PPP4R2: variants seen among roughly 807,000 people sequenced by gnomAD.
PPP4R2 encodes the protein protein phosphatase 4 regulatory subunit 2.
In PPP4R2, 13 loss-of-function variants were observed where a neutral mutation model predicts 47.2. That is an observed-to-expected ratio of 0.28 (90% CI 0.18 to 0.44). PPP4R2 has a LOEUF of 0.44. PPP4R2 is among the 20% of genes least tolerant of loss of function. PPP4R2 has a pLI of 1.00. For synonymous variants in PPP4R2, 151 were observed against 163.3 expected, an observed-to-expected ratio of 0.92 and a Z score of 0.57; for missense variants, 421 against 491.2, an observed-to-expected ratio of 0.86 and a Z score of 1.35.
At chr3:73,040,772 G>T (rs2637746) in intron 2 of PPP4R2, among the ~76,000 whole-genome samples, 1 of 152,012 alleles carries the variant, frequency 6.6e-6, no homozygotes, top group Non-Finnish European at 1.5e-5. Context: ...CTCAGCCCCC[G>T]AAAGTGCTTG....
At position 73,034,977 on chromosome 3, in the gene PPP4R2, A is replaced by AG. The variant is rs559984800; in HGVS notation, c.117-12206dup. Reference sequence around the variant, plus strand: ...CATCAAGCTAAAAAGCTTCCGCACAAGGGAAGAGTCAGTAGAGTGAAGAAA... The same window carrying AG: ...CATCAAGCTAAAAAGCTTCCGCACAAGGGGAAGAGTCAGTAGAGTGAAGAAA... On this transcript the variant is annotated intron_variant, in intron 2 of 8. Transcript: ENST00000356692. 6.6e-5 allele frequency among the ~76,000 whole-genome samples: 10 copies of AG among 152,340 alleles called. No individual in the cohort carries two copies. The South Asian group carries it at 2.1e-3, about 32-fold the overall frequency.
chr3:72,998,830 C>G (rs898988585), intron 2 of PPP4R2, among the ~76,000 whole-genome samples: 1 of 151,946 alleles, frequency 6.6e-6, no homozygotes, highest in African/African-American at 2.4e-5. Flanking sequence ...GTGGTAGACA[C>G]AATCTGGCTA....
rs1446137296 is a variant in PPP4R2 at position 73,068,159 on chromosome 3, A to G, written c.*2437A>G. ...TTGCTTAATGAAAATGTCAGTTCTAATAGTAACTGATTCACTTCTGAACAG... is the reference window on the plus strand; with the variant it reads ...TTGCTTAATGAAAATGTCAGTTCTAGTAGTAACTGATTCACTTCTGAACAG... On this transcript the variant is annotated 3_prime_UTR_variant, in exon 9 of 9. Transcript: ENST00000356692. 1.3e-5 allele frequency: 2 copies of G among 152,138 alleles called. No individual in the cohort carries two copies. Among genetic ancestry groups the G allele is most frequent in the African/African-American group, 2.4e-5 (1 of 41,432 alleles). 9.4% of individuals were successfully genotyped at this position (152,138 alleles called of 1,614,324 possible). A position where few individuals can be genotyped will look rare whatever the true frequency, so the allele number is the denominator to read the frequency against.
rs186425162 is a variant in PPP4R2, at chr3:73,033,406, T to C, written c.117-13780T>C. ...ACAGTTTTACTGCAGTGTGCTTTGC[T>C]GTGAGACTATTTGTCAACTCTTGTG... On this transcript the variant is annotated intron_variant, in intron 2 of 8. Transcript: ENST00000356692. Among the ~76,000 whole-genome samples the C allele has an allele frequency of 1.2e-4, 18 of 152,344 alleles. No individual in the cohort carries two copies. In the East Asian group the frequency reaches 3.3e-3, roughly 28 times the overall value.
At chr3:73,040,375 C>T (rs1702353041) in intron 2 of PPP4R2, among the ~76,000 whole-genome samples, 1 of 151,994 alleles carries the variant, frequency 6.6e-6, no homozygotes. Flanking sequence ...ACTTCGGACT[C>T]AATAATTTCA....
chr3:73,013,489 GA>G (rs968628254), intron 2 of PPP4R2, among the ~76,000 whole-genome samples: 9 of 101,420 alleles, frequency 8.9e-5, no homozygotes, highest in East Asian at 7.7e-4. Flanking sequence ...AAAAATGTAA[GA>G]AAAAAAATCA....
At chr3:73,046,514 G>A (rs141013106) in intron 2 of PPP4R2, among the ~76,000 whole-genome samples, 79 of 152,296 alleles carry the variant, frequency 5.2e-4, no homozygotes, top group Middle Eastern at 3.4e-3. Flanking sequence ...GGTGAAATGT[G>A]AGGAAAGAGG....
chr3:73,032,472 A>G (rs1477654328), intron 2 of PPP4R2, among the ~76,000 whole-genome samples: 1 of 151,970 alleles, frequency 6.6e-6, no homozygotes, highest in East Asian at 1.9e-4. Flanking sequence ...TATTTTTAGT[A>G]GAGGCGGGGT....
At chr3:73,032,289 C>CT (rs199550474) in intron 2 of PPP4R2, among the ~76,000 whole-genome samples, 2,211 of 144,954 alleles carry the variant, frequency 0.015, 26 homozygotes, top group African/African-American at 0.037. Context: ...AAAATTATTT[C>CT]TTTTTTTTTT....
In PPP4R2 at chr3:72,997,057, A is replaced by G; in HGVS notation, c.20A>G (p.Gln7Arg). Residue 7 changes from glutamine (Q) to arginine (R), a missense_variant, in exon 1 of 9, where the codon CAG (glutamine) becomes CGG (arginine). Gln to Arg is a conservative substitution (Grantham distance 43, BLOSUM62 1). Around this residue, in one of 2 missense-constraint regions of PPP4R2, gnomAD observed 104 missense variants for 203.7 expected, o/e 0.51. Transcript: ENST00000356692. ...GAAGCCATGGACGTCGAGAGGCTCC[A>G]GGAGGCGCTGAAAGGTGGGGGTAGC... MDVERL[Q>R]EALKDFEKRG... The G allele has an allele frequency of 2.1e-6, 3 of 1,407,792 alleles. No homozygotes were observed. The highest frequency in any genetic ancestry group is 2.8e-6 in the Non-Finnish European group (3 of 1,064,426). 87.2% of individuals were successfully genotyped at this position (1,407,792 alleles called of 1,614,324 possible). A position where few individuals can be genotyped will look rare whatever the true frequency, so the allele number is the denominator to read the frequency against.
rs145741650 is a variant in PPP4R2 at position 73,023,912 on chromosome 3, C to G, written c.117-23274C>G. On this transcript the variant is annotated intron_variant, in intron 2 of 8. Transcript: ENST00000356692. ...CACTTAAAAGAATAATTTGGATTAC[C>G]TTTGCTTTTTGATATTCAGTTTGAA... Among the ~76,000 whole-genome samples, 71 of 152,132 alleles carry G rather than the reference C, an allele frequency of 4.7e-4. 3 individuals carry two copies. In the East Asian group the frequency reaches 0.012, roughly 26 times the overall value.
chr3:73,042,361 C>CTTTTTTTTTTTTTTTTTTTTTTTTTTTT (rs10709279), intron 2 of PPP4R2, among the ~76,000 whole-genome samples: 2 of 75,928 alleles, frequency 2.6e-5, no homozygotes, highest in Non-Finnish European at 2.6e-5. Context: ...AATATAATTT[C>CTTTTTTTTTTTTTTTTTTTTTTTTTTTT]TTTTTTTTTT....
rs202218122 is a variant in PPP4R2 at position 73,023,189 on chromosome 3, T to G, written c.117-23997T>G. Among the ~76,000 whole-genome samples the G allele has an allele frequency of 2.5e-3, 361 of 145,034 alleles. 1 individual carries two copies. Among genetic ancestry groups the G allele is most frequent in the African/African-American group, 5.4e-3 (209 of 39,040 alleles). ...AGGTTTCTTTTCTTTTCCTTTTTTT[T>G]GTTTTTTTTTTGAGATGGAATTTCG... is the stretch of plus-strand genomic sequence containing the variant. On this transcript the variant is annotated intron_variant, in intron 2 of 8. Transcript: ENST00000356692.
At chr3:73,015,923 C>CT in intron 2 of PPP4R2, 1 of 284,160 alleles carries the variant, frequency 3.5e-6, no homozygotes, top group Non-Finnish European at 7.3e-6. Flanking sequence ...CAGACGTGAA[C>CT]TACTGCACCC....
chr3:73,000,715 C>A (rs2107195435), intron 2 of PPP4R2, among the ~76,000 whole-genome samples: 1 of 152,208 alleles, frequency 6.6e-6, no homozygotes, highest in Admixed American at 6.5e-5. Flanking sequence ...AATAATTAAT[C>A]CCCAGGTGAA....
chr3:73,000,481 T>C (rs1701436703), intron 2 of PPP4R2, among the ~76,000 whole-genome samples: 1 of 152,218 alleles, frequency 6.6e-6, no homozygotes, highest in South Asian at 2.1e-4. Context: ...GACAATTGAT[T>C]TGACACTTGC....
intron 2 of PPP4R2, among the ~76,000 whole-genome samples, chr3:73,021,901 T>TA (rs146335669): frequency 0.5 from 61,457 of 121,854 alleles, 14,258 homozygotes; most frequent in Non-Finnish European, 0.6. Flanking sequence ...TATATATATA[T>TA]TTTTTTTTTT....
At chr3:72,998,053 G>C (rs1004738197) in intron 1 of PPP4R2, 24 bp from the exon 2 acceptor site, 1 of 1,496,860 alleles carries the variant, frequency 6.7e-7, no homozygotes, top group Admixed American at 1.8e-5. Context: ...AACTGATAAC[G>C]TTTTTTTTTC....
chr3:73,040,499 A>ATTTTTTTTTTTT (rs11342756), intron 2 of PPP4R2, among the ~76,000 whole-genome samples: 1 of 117,586 alleles, frequency 8.5e-6, no homozygotes, highest in African/African-American at 3.4e-5. Context: ...ATGTGACCTA[A>ATTTTTTTTTTTT]TTTTTTTTTT....
Sources: gnomAD v4.1 joint callset for allele counts (sites outside exome capture counted in the v4.1 genomes callset) on GRCh38, gnomAD v4.1.1 for gene constraint, gnomAD v4.1.1 regional missense constraint, MANE v1.5 for transcripts, NCBI Gene and HGNC (gene_info 2026-07-23, HGNC 2026-07-21) for gene names.